APAF1: variants seen among roughly 807,000 people sequenced by gnomAD.
The protein encoded by APAF1 is apoptotic protease-activating factor 1.
In APAF1, 91 loss-of-function variants were observed where a neutral mutation model predicts 152.4. The observed-to-expected ratio is 0.60, with a 90% CI of 0.50 to 0.71. The LOEUF is 0.71. APAF1 is among the 30% of genes least tolerant of loss of function. The pLI, the probability that APAF1 is intolerant of heterozygous loss-of-function variation, is 0.00. For missense variants in APAF1, 1,283 were observed against 1,472.0 expected (o/e 0.87, Z 2.10); for synonymous variants, 484 against 494.1 (o/e 0.98, Z 0.27).
chr12:98,670,559 T>C (rs2097678928), intron 10 of APAF1, among the ~76,000 whole-genome samples: 1 of 152,078 alleles, frequency 6.6e-6, no homozygotes, highest in Admixed American at 6.5e-5. Flanking sequence ...GTCTTGAGTT[T>C]AATTTATATT....
chr12:98,729,155 T>C (rs2097756201), intron 26 of APAF1, among the ~76,000 whole-genome samples: 1 of 152,224 alleles, frequency 6.6e-6, no homozygotes, highest in Admixed American at 6.5e-5. Context: ...TAGCAGAGGC[T>C]TCACCTGGAG....
chr12:98,655,776 C>T (rs2153310483), intron 4 of APAF1, among the ~76,000 whole-genome samples: 1 of 151,232 alleles, frequency 6.6e-6, no homozygotes, highest in Admixed American at 6.6e-5. Context: ...CGTTGCCTGG[C>T]CAAAATTTTT....
intron 18 of APAF1, among the ~76,000 whole-genome samples, chr12:98,703,912 A>G (rs919587678): frequency 6.6e-6 from 1 of 152,192 alleles, no homozygotes; most frequent in Non-Finnish European, 1.5e-5. Flanking sequence ...TTCTTAGATC[A>G]TTGAGTAGGA....
chr12:98,731,762 C>T (rs768316288), intron 26 of APAF1, among the ~76,000 whole-genome samples: 20 of 152,256 alleles, frequency 1.3e-4, no homozygotes, highest in Middle Eastern at 6.8e-3. Context: ...CATGGGTAAA[C>T]TTTATGATTC....
intron 16 of APAF1, among the ~76,000 whole-genome samples, chr12:98,695,515 C>T (rs1386789534): frequency 6.6e-6 from 1 of 152,182 alleles, no homozygotes; most frequent in Non-Finnish European, 1.5e-5. Context: ...CAGGTGTGCA[C>T]CACCATGCCT....
intron 20 of APAF1, among the ~76,000 whole-genome samples, chr12:98,709,599 AT>A (rs2097725644): frequency 6.6e-6 from 1 of 152,154 alleles, no homozygotes; most frequent in Non-Finnish European, 1.5e-5. Flanking sequence ...CAGATGCCTC[AT>A]GGAAGATTAA....
intron 12 of APAF1, among the ~76,000 whole-genome samples, chr12:98,675,045 A>G (rs2097685046): frequency 6.6e-6 from 1 of 152,148 alleles, no homozygotes; most frequent in African/African-American, 2.4e-5. Context: ...CTCCCATTGC[A>G]TCAACTGCAT....
At chr12:98,654,216 C>T (rs2097653491) in intron 4 of APAF1, among the ~76,000 whole-genome samples, 1 of 152,022 alleles carries the variant, frequency 6.6e-6, no homozygotes, top group Non-Finnish European at 1.5e-5. Flanking sequence ...GTCATTTGGT[C>T]TGTTTGCCTT....
At chr12:98,678,834 CT>C (rs1201426824) in intron 13 of APAF1, among the ~76,000 whole-genome samples, 1 of 152,248 alleles carries the variant, frequency 6.6e-6, no homozygotes, top group Non-Finnish European at 1.5e-5. Flanking sequence ...TGCCAGCCCC[CT>C]GCCGCCTCGG....
chr12:98,657,104 A>T (rs1334533168), intron 4 of APAF1, among the ~76,000 whole-genome samples: 2 of 152,168 alleles, frequency 1.3e-5, no homozygotes, highest in South Asian at 2.1e-4. Context: ...CTAGACCCTG[A>T]TCTTTGTCAT....
At chr12:98,679,828 C>A (rs181407546) in intron 13 of APAF1, among the ~76,000 whole-genome samples, 2 of 152,278 alleles carry the variant, frequency 1.3e-5, no homozygotes, top group East Asian at 1.9e-4. Flanking sequence ...GCAGTCAGCA[C>A]GTCTGTGCGC....
At chr12:98,693,155 A>G (rs1173254550) in intron 16 of APAF1, among the ~76,000 whole-genome samples, 2 of 151,310 alleles carry the variant, frequency 1.3e-5, no homozygotes, top group Non-Finnish European at 2.9e-5. Flanking sequence ...GGTTAGATGT[A>G]TTCCTGGGTA....
Position 98,727,232 on chromosome 12 carries a change from A to T in APAF1, c.3516A>T (p.Gly1172=). ...TGTGTGCTCCGCTTTCAGAAGAAGG[A>T]GCTGCTACCCATGGAGGCTGGGTGA... ...LHLCAPLSEE[G]AATHGGWVTD... The change falls in exon 26 of 27, where the codon GGA becomes GGT. Residue 1172 remains glycine (G), a synonymous_variant. Transcript: ENST00000551964. 6.2e-7 allele frequency: 1 copy of T among 1,614,188 alleles called. No homozygotes were observed. The highest frequency in any genetic ancestry group is 8.5e-7 in the Non-Finnish European group (1 of 1,180,026).
intron 10 of APAF1, 139 bp downstream of exon 10, chr12:98,667,783 T>TC: frequency 1.2e-6 from 1 of 859,350 alleles, no homozygotes; most frequent in Non-Finnish European, 1.7e-6. Flanking sequence ...TTTTTTTTTT[T>TC]TTTTTTGAGA....
intron 4 of APAF1, among the ~76,000 whole-genome samples, chr12:98,656,524 GTTGT>G (rs981149281): frequency 6.6e-6 from 1 of 152,192 alleles, no homozygotes; most frequent in Non-Finnish European, 1.5e-5. Flanking sequence ...TCTGTCTCCA[GTTGT>G]TTGTTATATT....
chr12:98,662,313 A>G, intron 5 of APAF1, 143 bp from the exon 6 acceptor site: 1 of 652,510 alleles, frequency 1.5e-6, no homozygotes, highest in South Asian at 1.9e-5. Flanking sequence ...AAAGAGGAAG[A>G]ATCATTTTCC....
chr12:98,731,007 A>T (rs560444742), intron 26 of APAF1, among the ~76,000 whole-genome samples: 1 of 152,194 alleles, frequency 6.6e-6, no homozygotes, highest in Non-Finnish European at 1.5e-5. Context: ...ACATGGTGAT[A>T]AATGGTGGTG....
chr12:98,710,675 C>T (rs1208402081), intron 20 of APAF1, among the ~76,000 whole-genome samples: 2 of 152,220 alleles, frequency 1.3e-5, no homozygotes, highest in Non-Finnish European at 2.9e-5. Context: ...CCTCCTGCCT[C>T]AGCCTCCCAG....
chr12:98,718,493 A>G (rs931412393), intron 22 of APAF1, among the ~76,000 whole-genome samples: 6 of 152,034 alleles, frequency 3.9e-5, no homozygotes, highest in Non-Finnish European at 8.8e-5. Flanking sequence ...TGGCCTCCCA[A>G]AGTGCTGGGA....
Sources: gnomAD v4.1 joint callset for allele counts (sites outside exome capture counted in the v4.1 genomes callset) on GRCh38, gnomAD v4.1.1 for gene constraint, MANE v1.5 for transcripts, NCBI Gene and HGNC (gene_info 2026-07-23, HGNC 2026-07-21) for gene names.